Variants in ATAD1 observed in about 807,000 individuals in gnomAD.
ATAD1 encodes the protein outer mitochondrial transmembrane helix translocase.
A neutral mutation model predicts 42.7 loss-of-function variants in ATAD1; 18 were observed. The ratio of observed to expected loss-of-function variants is 0.42; its 90% CI spans 0.29 to 0.63. The LOEUF is 0.63. Among genes scored for constraint, ATAD1 ranks in the 20% least tolerant of loss-of-function variants. The pLI is 0.19. For missense variants in ATAD1, 294 were observed against 440.4 expected, an observed-to-expected ratio of 0.67 and a Z score of 2.98; for synonymous variants, 132 against 143.1, an observed-to-expected ratio of 0.92 and a Z score of 0.55.
intron 4 of ATAD1, 23 bp downstream of exon 4, chr10:87,790,287 G>C (rs747165965): frequency 1.9e-6 from 3 of 1,597,756 alleles, no homozygotes; most frequent in Middle Eastern, 1.7e-4. Context: ...AATGCTTTAG[G>C]CGAATATATA....
intron 4 of ATAD1, among the ~76,000 whole-genome samples, chr10:87,786,567 G>C (rs931109476): frequency 1.1e-4 from 17 of 152,156 alleles, no homozygotes; most frequent in Non-Finnish European, 2.2e-4. Flanking sequence ...AACTTTCTGG[G>C]GACAGGCTGT....
intron 8 of ATAD1, among the ~76,000 whole-genome samples, chr10:87,763,791 C>A (rs959838520): frequency 6.6e-5 from 10 of 151,772 alleles, no homozygotes; most frequent in Admixed American, 5.3e-4. Context: ...ATAAATAAAT[C>A]ATTAGGACAC....
chr10:87,821,154 A>G (rs188202634), upstream of ATAD1, among the ~76,000 whole-genome samples: 4 of 152,214 alleles, frequency 2.6e-5, no homozygotes, highest in African/African-American at 7.2e-5. Context: ...CACTTTTGTT[A>G]TTAAATGGAG....
chr10:87,791,966 G>A (rs1262252763), intron 3 of ATAD1, among the ~76,000 whole-genome samples: 1 of 152,082 alleles, frequency 6.6e-6, no homozygotes, highest in Non-Finnish European at 1.5e-5. Context: ...TGAAAATTTA[G>A]GTTTAAACTC....
chr10:87,810,388 T>C (rs1412621504), intron 2 of ATAD1, among the ~76,000 whole-genome samples: 1 of 152,096 alleles, frequency 6.6e-6, no homozygotes, highest in Non-Finnish European at 1.5e-5. Context: ...GTCCATTTTT[T>C]ATTTAAATCT....
intron 4 of ATAD1, among the ~76,000 whole-genome samples, chr10:87,784,969 A>T (rs1855756306): frequency 6.6e-6 from 1 of 152,220 alleles, no homozygotes; most frequent in South Asian, 2.1e-4. Flanking sequence ...CAACAGTTGA[A>T]AAACAAAATC....
chr10:87,800,056 G>A (rs1306182427), intron 2 of ATAD1, among the ~76,000 whole-genome samples: 1 of 150,788 alleles, frequency 6.6e-6, no homozygotes, highest in Non-Finnish European at 1.5e-5. Context: ...AGCATGTCAT[G>A]AATGGTCTAA....
In ATAD1 at chr10:87,753,627, T is replaced by C. The variant is rs1398310131; in HGVS notation, c.*1060A>G. The C allele has an allele frequency of 1.3e-5, 2 of 152,602 alleles. No homozygotes were observed. The highest frequency in any genetic ancestry group is 6.5e-5 in the Admixed American group (1 of 15,270). The allele number at this position is 152,602 out of a possible 1,614,324, so 9.5% of individuals were successfully genotyped here. ...TGTACCTGACTTAGGGCACAATTTA[T>C]AATAATATACTAAGAAAACTAAAAT... On this transcript the variant is annotated 3_prime_UTR_variant, in exon 10 of 10. Transcript: ENST00000680024.
chr10:87,757,044 T>C (rs1437295221), intron 8 of ATAD1, 122 bp from the exon 9 acceptor site: 2 of 748,872 alleles, frequency 2.7e-6, no homozygotes, highest in Non-Finnish European at 3.8e-6. Flanking sequence ...GAAACAATAG[T>C]TTCTAGAAGC....
chr10:87,819,051 G>C (rs1857564003), upstream of ATAD1: 2 of 152,110 alleles, frequency 1.3e-5, no homozygotes, highest in Admixed American at 1.3e-4. Flanking sequence ...GTGAGACTAT[G>C]ATGTAATGAG....
chr10:87,782,447 A>G (rs1345441369), intron 5 of ATAD1, among the ~76,000 whole-genome samples: 1 of 152,254 alleles, frequency 6.6e-6, no homozygotes, highest in Non-Finnish European at 1.5e-5. Context: ...CAATGCCAGT[A>G]TAAAATAGCA....
In ATAD1 at chr10:87,767,700, G is replaced by T; in HGVS notation, c.804C>A (p.Ile268=). ...NQPALKQREA[I]LKLILKNENV... Reference sequence around the variant, plus strand: ...TTTCATTTTTCAAGATGAGTTTCAGGATTGCTTCTCTCTGTTTTAAAGCCT... The same window carrying T: ...TTTCATTTTTCAAGATGAGTTTCAGTATTGCTTCTCTCTGTTTTAAAGCCT... Residue 268 remains isoleucine, a synonymous_variant, in exon 8 of 10, where the codon ATC becomes ATA. Transcript: ENST00000680024. The T allele has an allele frequency of 1.2e-6, 2 of 1,610,740 alleles. No individual in the cohort carries two copies. Among genetic ancestry groups the T allele is most frequent in the Non-Finnish European group, 1.7e-6 (2 of 1,178,856 alleles).
intron 9 of ATAD1, among the ~76,000 whole-genome samples, chr10:87,756,151 A>C (rs1854213420): frequency 6.6e-6 from 1 of 152,238 alleles, no homozygotes; most frequent in African/African-American, 2.4e-5. Context: ...AGACAAAGGG[A>C]CAAGAGTTGG....
At position 87,758,231 on chromosome 10, in the gene ATAD1, ATTAAC is replaced by A. The variant is rs143317946; in HGVS notation, c.832-1314_832-1310del. Among the ~76,000 whole-genome samples the A allele has an allele frequency of 9.1e-3, 1,385 of 152,284 alleles. 24 individuals are homozygous for A. The highest frequency in any genetic ancestry group is 0.031 in the African/African-American group (1,275 of 41,564). ...GCATTAAAAAGAGGGTACAGATATT[ATTAAC>A]TTAGACTTTATGTATGTATGTCAAA... On this transcript the variant is annotated intron_variant, in intron 8 of 9. Coordinates refer to ENST00000680024, the MANE Select transcript of ATAD1 (RefSeq NM_001321967.2).
chr10:87,763,342 C>T (rs568634793), intron 8 of ATAD1, among the ~76,000 whole-genome samples: 35 of 152,174 alleles, frequency 2.3e-4, no homozygotes, highest in African/African-American at 8.4e-4. Context: ...CTTTTGCATA[C>T]ACTATATGTT....
intron 2 of ATAD1, among the ~76,000 whole-genome samples, chr10:87,807,790 C>A (rs1441322661): frequency 1.3e-5 from 2 of 152,052 alleles, no homozygotes; most frequent in African/African-American, 4.8e-5. Context: ...ATTATTATTT[C>A]TTTTACAGAT....
At chr10:87,834,358 T>C (rs555929173) in intron 1 of ATAD1, among the ~76,000 whole-genome samples, 10 of 152,310 alleles carry the variant, frequency 6.6e-5, no homozygotes, top group Admixed American at 3.9e-4. Flanking sequence ...TTGTGTAGAA[T>C]TGGTATTAAT....
intron 1 of ATAD1, among the ~76,000 whole-genome samples, chr10:87,823,775 C>A (rs1857674500): frequency 6.6e-6 from 1 of 152,088 alleles, no homozygotes. Flanking sequence ...AGGTCACTTG[C>A]CTTCTCTCAT....
intron 2 of ATAD1, among the ~76,000 whole-genome samples, chr10:87,807,201 GCATATACCAA>G (rs781506987): frequency 1.1e-4 from 16 of 152,048 alleles, no homozygotes; most frequent in Non-Finnish European, 2.2e-4. Context: ...TCCTATATGT[GCATATACCAA>G]CATTTATACA....
Sources: gnomAD v4.1 joint callset for allele counts (sites outside exome capture counted in the v4.1 genomes callset) on GRCh38, gnomAD v4.1.1 for gene constraint, MANE v1.5 for transcripts, NCBI Gene and HGNC (gene_info 2026-07-23, HGNC 2026-07-21) for gene names.